MCPH1: variants seen among roughly 807,000 people sequenced by gnomAD.
MCPH1 encodes microcephalin 1.
A neutral mutation model predicts 84.5 loss-of-function variants in MCPH1; 104 were observed. The ratio of observed to expected loss-of-function variants is 1.23; its 90% CI spans 1.05 to 1.45. The LOEUF is 1.45. Among genes scored for constraint, MCPH1 ranks in the 40% most tolerant of loss-of-function variants. The pLI, the probability that MCPH1 is intolerant of heterozygous loss-of-function variation, is 0.00. For synonymous variants in MCPH1, 514 were observed against 366.8 expected (o/e 1.40, Z -4.58); for missense variants, 1,498 against 1,005.7 (o/e 1.49, Z -6.62).
At chr8:6,564,404 G>T (rs554856964) in intron 12 of MCPH1, among the ~76,000 whole-genome samples, 1 of 152,288 alleles carries the variant, frequency 6.6e-6, no homozygotes, top group Non-Finnish European at 1.5e-5. Flanking sequence ...AAGCTCTAAT[G>T]TCCTCATCTG....
rs572011650 is a variant in MCPH1 at position 6,521,869 on chromosome 8, T to A, written c.2214+21940T>A. Among the ~76,000 whole-genome samples the A allele has an allele frequency of 1.4e-4, 21 of 152,336 alleles. No individual in the cohort carries two copies. In the South Asian group the frequency reaches 3.1e-3, roughly 23 times the overall value. ...TTAATATTAATCCTAATGATAATAA[T>A]AGCACTTAATGCTATGTGAGAAATA... On this transcript the variant is annotated intron_variant, in intron 12 of 13. Transcript: ENST00000344683.
At chr8:6,638,578 T>TAA (rs60063681) in intron 13 of MCPH1, among the ~76,000 whole-genome samples, 2 of 144,938 alleles carry the variant, frequency 1.4e-5, no homozygotes, top group African/African-American at 2.5e-5. Flanking sequence ...TGCTTACATT[T>TAA]AAAAAAAAAA....
intron 12 of MCPH1, among the ~76,000 whole-genome samples, chr8:6,607,663 A>T (rs548810278): frequency 6.6e-6 from 1 of 152,284 alleles, no homozygotes; most frequent in South Asian, 2.1e-4. Context: ...GTTTCCCCCC[A>T]TACAGTTCTC....
intron 12 of MCPH1, among the ~76,000 whole-genome samples, chr8:6,548,982 A>T (rs370250256): frequency 1.8e-3 from 281 of 152,332 alleles, no homozygotes; most frequent in Non-Finnish European, 3.0e-3. Context: ...TTAATGAATC[A>T]ATCTATTCCT....
At chr8:6,463,308 C>T (rs1302653851) in intron 9 of MCPH1, among the ~76,000 whole-genome samples, 1 of 152,142 alleles carries the variant, frequency 6.6e-6, no homozygotes, top group Non-Finnish European at 1.5e-5. Context: ...TCCTCATCTC[C>T]AGTATCATTA....
intron 11 of MCPH1, among the ~76,000 whole-genome samples, chr8:6,492,761 T>A (rs1199212815): frequency 6.7e-6 from 1 of 149,534 alleles, no homozygotes; most frequent in African/African-American, 2.4e-5. Flanking sequence ...TTTAATATTA[T>A]AAAATTAATA....
chr8:6,475,213 G>C (rs1164686191), intron 9 of MCPH1, among the ~76,000 whole-genome samples: 1 of 152,226 alleles, frequency 6.6e-6, no homozygotes, highest in Admixed American at 6.5e-5. Context: ...TGGGCTTCCA[G>C]TACCAGTGCA....
chr8:6,547,875 T>C (rs1822891737), intron 12 of MCPH1, among the ~76,000 whole-genome samples: 1 of 150,098 alleles, frequency 6.7e-6, no homozygotes, highest in East Asian at 1.9e-4. Flanking sequence ...CAGTGAGTCA[T>C]CTTACCCCCA....
intron 12 of MCPH1, among the ~76,000 whole-genome samples, chr8:6,590,432 AGGCCCTGC>A (rs1828367960): frequency 2.8e-5 from 1 of 35,812 alleles, no homozygotes; most frequent in African/African-American, 1.0e-4. Context: ...AAAGCAAAGC[AGGCCCTGC>A]AGGCCCTGGG....
chr8:6,544,454 A>G (rs1586528403), intron 12 of MCPH1, among the ~76,000 whole-genome samples: 1 of 152,326 alleles, frequency 6.6e-6, no homozygotes, highest in East Asian at 1.9e-4. Flanking sequence ...AACCCAAAAT[A>G]AGAGAGTATT....
intron 9 of MCPH1, chr8:6,473,842 T>G: frequency 1.4e-6 from 2 of 1,417,076 alleles, no homozygotes; most frequent in Non-Finnish European, 1.9e-6. Context: ...GCCTTATAAG[T>G]CAAGAGTTAT....
intron 12 of MCPH1, among the ~76,000 whole-genome samples, chr8:6,607,417 C>G (rs1829872531): frequency 6.6e-6 from 1 of 152,192 alleles, no homozygotes; most frequent in African/African-American, 2.4e-5. Context: ...TGTGATAACT[C>G]CTGAGTCACA....
intron 12 of MCPH1, among the ~76,000 whole-genome samples, chr8:6,517,080 A>G (rs1392215581): frequency 6.6e-6 from 1 of 152,250 alleles, no homozygotes; most frequent in Non-Finnish European, 1.5e-5. Context: ...GCAGAGAAAG[A>G]TAGTGTTCAA....
At chr8:6,597,145 T>C (rs2129578022) in intron 12 of MCPH1, among the ~76,000 whole-genome samples, 1 of 152,218 alleles carries the variant, frequency 6.6e-6, no homozygotes, top group East Asian at 1.9e-4. Context: ...TCAATGAAGG[T>C]AATAAAATCA....
chr8:6,589,433 C>A (rs538678926), intron 12 of MCPH1, among the ~76,000 whole-genome samples: 17 of 152,130 alleles, frequency 1.1e-4, no homozygotes, highest in Non-Finnish European at 2.5e-4. Flanking sequence ...AGTTCATCGA[C>A]GGCCGATTTC....
chr8:6,622,590 G>T (rs546149981), intron 13 of MCPH1, among the ~76,000 whole-genome samples: 2 of 152,276 alleles, frequency 1.3e-5, no homozygotes, highest in African/African-American at 4.8e-5. Context: ...CTACAGGCTG[G>T]GTGGCTTCAA....
At chr8:6,510,634 T>C (rs1814866238) in intron 12 of MCPH1, among the ~76,000 whole-genome samples, 1 of 152,196 alleles carries the variant, frequency 6.6e-6, no homozygotes, top group Non-Finnish European at 1.5e-5. Flanking sequence ...AGATATAAAC[T>C]TGTCCGAGGT....
intron 12 of MCPH1, among the ~76,000 whole-genome samples, chr8:6,509,984 C>T (rs1057206534): frequency 7.9e-5 from 12 of 152,128 alleles, no homozygotes; most frequent in African/African-American, 2.9e-4. Flanking sequence ...ATTTAAATCC[C>T]AAAGTGTAGT....
Position 6,444,660 on chromosome 8 carries a change from CT to C in MCPH1, c.939del (p.Asp314ThrfsTer31). On this transcript the variant is annotated frameshift_variant, in exon 8 of 14. Transcript: ENST00000344683. LOFTEE classifies it high-confidence loss of function. ...QRNIAGKVVT[P>X]DQKQAAGMSQ... ...AATATTGCAGGTAAAGTAGTCACCC[CT>C]GACCAAAAGCAGGCTGCAGGTATGT... 6.2e-7 allele frequency: 1 copy of C among 1,614,056 alleles called. No homozygotes were observed. The highest frequency in any genetic ancestry group is 8.5e-7 in the Non-Finnish European group (1 of 1,180,008).
Sources: gnomAD v4.1 joint callset for allele counts (sites outside exome capture counted in the v4.1 genomes callset) on GRCh38, gnomAD v4.1.1 for gene constraint, MANE v1.5 for transcripts, NCBI Gene and HGNC (gene_info 2026-07-23, HGNC 2026-07-21) for gene names.